The following LIPA variants were observed in gnomAD, a reference collection of about 807,000 sequenced individuals.
LIPA encodes the protein lipase A, lysosomal acid type, also known as lysosomal acid lipase/cholesteryl ester hydrolase.
In LIPA, 26 loss-of-function variants were observed where a neutral mutation model predicts 40.6. The ratio of observed to expected loss-of-function variants is 0.64; its 90% CI spans 0.47 to 0.89. The LOEUF is 0.89. Ranked by LOEUF, LIPA falls within the 40% of genes least tolerant of loss-of-function variation. The pLI is 0.00. For missense variants in LIPA, 455 were observed against 479.6 expected (o/e 0.95, Z 0.48); for synonymous variants, 188 against 168.4 (o/e 1.12, Z -0.90).
chr10:89,392,828 C>A, intron 2 of LIPA: 4 of 1,095,668 alleles, frequency 3.7e-6, no homozygotes, highest in South Asian at 1.3e-5. Context: ...TCTAATTCCT[C>A]GATTTGAGTA....
chr10:89,392,342 T>A (rs1382555579), intron 2 of LIPA, among the ~76,000 whole-genome samples: 2 of 152,222 alleles, frequency 1.3e-5, no homozygotes, highest in Non-Finnish European at 2.9e-5. Flanking sequence ...TGGACTGATG[T>A]TCTTTAGGGA....
chr10:89,312,514 A>C (rs986341838), intron 1 of LIPA, among the ~76,000 whole-genome samples: 4 of 152,130 alleles, frequency 2.6e-5, no homozygotes, highest in African/African-American at 9.7e-5. Context: ...CAAAATTCCA[A>C]AGAAATATCT....
chr10:89,274,889 G>A (rs369306599), intron 1 of LIPA, among the ~76,000 whole-genome samples: 1 of 152,130 alleles, frequency 6.6e-6, no homozygotes, highest in Non-Finnish European at 1.5e-5. Flanking sequence ...AGAGGCTTCT[G>A]GTGCTATGAC....
At chr10:89,319,644 C>T (rs1589599763) in intron 1 of LIPA, among the ~76,000 whole-genome samples, 1 of 152,184 alleles carries the variant, frequency 6.6e-6, no homozygotes, top group East Asian at 1.9e-4. Context: ...CAAAGACGAG[C>T]TGGTACCATT....
At chr10:89,411,716 G>A (rs1200750371) in intron 2 of LIPA, among the ~76,000 whole-genome samples, 1 of 152,240 alleles carries the variant, frequency 6.6e-6, no homozygotes, top group Admixed American at 6.5e-5. Flanking sequence ...TCACTGCTGA[G>A]AAAGGAGGAC....
At position 89,268,081 on chromosome 10, in the gene LIPA, C is replaced by T. The variant is rs747530279; in HGVS notation, c.-1-20432G>A. Among the ~76,000 whole-genome samples, 236 of 152,094 alleles carry T rather than the reference C, an allele frequency of 1.6e-3. 2 individuals carry two copies. Among genetic ancestry groups the T allele is most frequent in the Non-Finnish European group, 4.7e-4 (32 of 68,012 alleles). On this transcript the variant is annotated intron_variant, in intron 1 of 5. Coordinates refer to the LIPA transcript ENST00000282673. ...CCCTCCTGTTCATGTAATGTGTGCCCCAATACTCAATACTACATGGGAGAT... is the reference window on the plus strand; with the variant it reads ...CCCTCCTGTTCATGTAATGTGTGCCTCAATACTCAATACTACATGGGAGAT...
intron 2 of LIPA, among the ~76,000 whole-genome samples, chr10:89,351,199 C>G (rs907396504): frequency 3.9e-5 from 6 of 152,088 alleles, no homozygotes; most frequent in South Asian, 4.2e-4. Flanking sequence ...GCCTGTAGTC[C>G]CAGCTACTCA....
intron 1 of LIPA, among the ~76,000 whole-genome samples, chr10:89,260,877 G>A (rs544460447): frequency 7.9e-5 from 12 of 152,292 alleles, no homozygotes; most frequent in Non-Finnish European, 1.6e-4. Context: ...AGATATCCAG[G>A]ACGCTCCAGG....
At chr10:89,236,901 AGGTG>A (rs1228712277) in intron 3 of LIPA, among the ~76,000 whole-genome samples, 1 of 152,250 alleles carries the variant, frequency 6.6e-6, no homozygotes. Flanking sequence ...AGAAAAAAGA[AGGTG>A]AAGAATCTAA....
intron 1 of LIPA, chr10:89,338,769 G>A (rs1277064265): frequency 1.9e-6 from 3 of 1,614,146 alleles, no homozygotes; most frequent in Non-Finnish European, 1.7e-6. Flanking sequence ...AAGATAGAGT[G>A]TGTAACCAGA....
rs760555955 is a variant in LIPA, at chr10:89,214,796, T to C, written c.*32A>G. On this transcript the variant is annotated 3_prime_UTR_variant, in exon 10 of 10. Coordinates refer to ENST00000336233, the MANE Select transcript of LIPA (RefSeq NM_000235.4). Reference sequence around the variant, plus strand: ...ACACATTTTCACATGACATAATCATTGACTTGGTGGTACACAGCTCAAGTC... The same window carrying C: ...ACACATTTTCACATGACATAATCATCGACTTGGTGGTACACAGCTCAAGTC... 2 of 1,246,002 alleles carry C rather than the reference T, an allele frequency of 1.6e-6. No individual in the cohort carries two copies. The highest frequency in any genetic ancestry group is 2.4e-6 in the Non-Finnish European group (2 of 845,334). The allele number at this position is 1,246,002 out of a possible 1,614,324, so 77.2% of individuals were successfully genotyped here. A position where few individuals can be genotyped will look rare whatever the true frequency, so the allele number is the denominator to read the frequency against.
chr10:89,295,062 AAAG>A (rs1843405189), intron 1 of LIPA, among the ~76,000 whole-genome samples: 2 of 150,614 alleles, frequency 1.3e-5, no homozygotes, highest in Admixed American at 1.3e-4. Context: ...AAAGGAAAGG[AAAG>A]GAAAGGAAAG....
upstream of LIPA, among the ~76,000 whole-genome samples, chr10:89,345,637 A>G (rs1191514794): frequency 2.0e-5 from 3 of 152,134 alleles, no homozygotes; most frequent in Non-Finnish European, 4.4e-5. Context: ...TTAGAAATAT[A>G]AAAACTAAAA....
At chr10:89,348,468 A>C (rs1843938127) in intron 2 of LIPA, among the ~76,000 whole-genome samples, 1 of 152,238 alleles carries the variant, frequency 6.6e-6, no homozygotes, top group Non-Finnish European at 1.5e-5. Context: ...TTTAAGCATA[A>C]AGAGGTATCA....
At chr10:89,216,844 G>A (rs541737336) in intron 8 of LIPA, among the ~76,000 whole-genome samples, 16 of 152,202 alleles carry the variant, frequency 1.1e-4, no homozygotes, top group African/African-American at 3.9e-4. Flanking sequence ...AGTTATATTA[G>A]TCAAATTTTA....
chr10:89,217,461 A>T (rs1409585353), intron 8 of LIPA, among the ~76,000 whole-genome samples: 1 of 152,242 alleles, frequency 6.6e-6, no homozygotes, highest in Non-Finnish European at 1.5e-5. Flanking sequence ...ATATTGATGC[A>T]AACTATTCTG....
At chr10:89,378,471 CTA>C (rs1290236699) in intron 2 of LIPA, among the ~76,000 whole-genome samples, 2 of 152,086 alleles carry the variant, frequency 1.3e-5, no homozygotes, top group Non-Finnish European at 2.9e-5. Context: ...CAAGGAGACT[CTA>C]AGCTATAGCT....
chr10:89,338,833 A>C, intron 1 of LIPA: 1 of 1,614,214 alleles, frequency 6.2e-7, no homozygotes, highest in Non-Finnish European at 8.5e-7. Context: ...GTTGGCCTAC[A>C]TAAAACACCT....
upstream of LIPA, among the ~76,000 whole-genome samples, chr10:89,343,139 G>C (rs1843886973): frequency 6.6e-6 from 1 of 152,194 alleles, no homozygotes; most frequent in African/African-American, 2.4e-5. Context: ...AAGTTAACAA[G>C]AGAAAAGCAT....
Sources: allele counts gnomAD v4.1 joint callset (sites outside exome capture counted in the v4.1 genomes callset), GRCh38; gene constraint gnomAD v4.1.1; transcripts MANE v1.5; gene names NCBI Gene and HGNC (gene_info 2026-07-23, HGNC 2026-07-21).